SERPINB12: variants seen among roughly 807,000 people sequenced by gnomAD.
SERPINB12 encodes serpin family B member 12, also known as serpin B12.
Under a neutral mutation model 41.1 loss-of-function variants are expected in SERPINB12, and 57 were observed. The ratio of observed to expected loss-of-function variants is 1.39; its 90% CI spans 1.12 to 1.73. The LOEUF (loss-of-function observed/expected upper bound fraction) is 1.73, where lower values mean the gene tolerates loss of function less well. SERPINB12 is among the 40% of genes most tolerant of loss of function. SERPINB12 has a pLI of 0.00. For missense variants in SERPINB12, 536 were observed against 501.9 expected, an observed-to-expected ratio of 1.07 and a Z score of -0.65; for synonymous variants, 180 against 181.3, an observed-to-expected ratio of 0.99 and a Z score of 0.06.
chr18:63,565,183 T>A (rs1911051946), intron 6 of SERPINB12, among the ~76,000 whole-genome samples: 1 of 152,030 alleles, frequency 6.6e-6, no homozygotes. Context: ...CAAGACCCTG[T>A]CTCAGAAACA....
At chr18:63,556,030 G>A (rs1353776022) in intron 1 of SERPINB12, 112 bp from the exon 2 acceptor site, 4 of 770,368 alleles carry the variant, frequency 5.2e-6, no homozygotes, top group South Asian at 1.8e-5. Flanking sequence ...GTTCTTAATA[G>A]CATACTGAAT....
chr18:63,544,713 G>A lies in SERPINB12; in HGVS notation c.-19+2221G>A, dbSNP rs933574412. On this transcript the variant is annotated intron_variant, in intron 1 of 7. Coordinates refer to ENST00000382768, the MANE Select transcript of SERPINB12 (RefSeq NM_001307928.2). ...TTGGATATCTTAAGAGTGATTGCAA[G>A]TTTTGAAATGAGTTTGTGTTTTAGT... Among the ~76,000 whole-genome samples, 7 of 152,224 alleles carry A rather than the reference G, an allele frequency of 4.6e-5. No individual in the cohort carries two copies. The South Asian group carries it at 8.3e-4, about 18-fold the overall frequency.
chr18:63,563,314 G>A (rs1343494284), intron 5 of SERPINB12, among the ~76,000 whole-genome samples: 1 of 152,170 alleles, frequency 6.6e-6, no homozygotes, highest in African/African-American at 2.4e-5. Flanking sequence ...GTAGTTCTTT[G>A]TTCTCAAGGG....
chr18:63,556,944 A>G (rs1475996590), intron 2 of SERPINB12, among the ~76,000 whole-genome samples: 2 of 152,208 alleles, frequency 1.3e-5, no homozygotes, highest in African/African-American at 4.8e-5. Flanking sequence ...CTGGCAATCT[A>G]TCCTTTGCAC....
chr18:63,543,217 C>T (rs571304259), intron 1 of SERPINB12, among the ~76,000 whole-genome samples: 25 of 152,236 alleles, frequency 1.6e-4, no homozygotes, highest in African/African-American at 6.0e-4. Context: ...TTTATTGTAT[C>T]TAAATGCAGG....
intron 2 of SERPINB12, among the ~76,000 whole-genome samples, chr18:63,557,054 C>T (rs1910703346): frequency 6.6e-6 from 1 of 152,162 alleles, no homozygotes; most frequent in African/African-American, 2.4e-5. Context: ...AGTTCAAGTC[C>T]TTACAATGGC....
At chr18:63,554,831 C>G (rs1204916579) in intron 1 of SERPINB12, among the ~76,000 whole-genome samples, 1 of 152,148 alleles carries the variant, frequency 6.6e-6, no homozygotes, top group Non-Finnish European at 1.5e-5. Flanking sequence ...ATAATCTCCA[C>G]GTGTTGAGGG....
chr18:63,541,011 G>A (rs926541852), upstream of SERPINB12, among the ~76,000 whole-genome samples: 25 of 152,058 alleles, frequency 1.6e-4, no homozygotes, highest in African/African-American at 5.8e-4. Flanking sequence ...TACGTTTTCA[G>A]TATTTTTAAT....
At chr18:63,549,650 A>G (rs1396610508) in intron 1 of SERPINB12, among the ~76,000 whole-genome samples, 5 of 152,164 alleles carry the variant, frequency 3.3e-5, no homozygotes, top group Non-Finnish European at 7.3e-5. Context: ...ACCCCCATAA[A>G]GATTGTAGGA....
the SERPINB12 span, among the ~76,000 whole-genome samples, chr18:63,522,818 G>C: frequency 6.6e-6 from 1 of 151,902 alleles, no homozygotes; most frequent in Non-Finnish European, 1.5e-5. Context: ...TAAAAATCTG[G>C]AAATTGATAA....
intron 7 of SERPINB12, 55 bp downstream of exon 7, chr18:63,565,667 A>G (rs1568133105): frequency 1.3e-6 from 2 of 1,490,874 alleles, no homozygotes; most frequent in Non-Finnish European, 1.8e-6. Context: ...TCTTTAGAGA[A>G]CAACACTGTC....
rs1248894912 is a variant in SERPINB12 at position 63,566,781 on chromosome 18, C to T, written c.1048C>T (p.Leu350Phe). The T allele has an allele frequency of 1.2e-6, 2 of 1,613,960 alleles. No individual in the cohort carries two copies. The highest frequency in any genetic ancestry group is 1.7e-6 in the Non-Finnish European group (2 of 1,180,000). ...TDIFDETRAD[L>F]TGISPSPNLY... ...TATCTTTGATGAAACGAGGGCTGATCTTACTGGAATCTCTCCAAGTCCCAA... is the reference window on the plus strand; with the variant it reads ...TATCTTTGATGAAACGAGGGCTGATTTTACTGGAATCTCTCCAAGTCCCAA... Residue 350 changes from leucine (L) to phenylalanine (F), a missense_variant, in exon 8 of 8, where the codon CTT becomes TTT. Coordinates refer to ENST00000382768, the MANE Select transcript of SERPINB12 (RefSeq NM_001307928.2).
At chr18:63,529,131 A>G in the SERPINB12 span, among the ~76,000 whole-genome samples, 1 of 152,200 alleles carries the variant, frequency 6.6e-6, no homozygotes, top group Non-Finnish European at 1.5e-5. Flanking sequence ...AAATAAAAAT[A>G]TTTATTCAGG....
At chr18:63,529,314 G>T in the SERPINB12 span, among the ~76,000 whole-genome samples, 1 of 152,154 alleles carries the variant, frequency 6.6e-6, no homozygotes, top group Non-Finnish European at 1.5e-5. Context: ...TCCAAGGTTG[G>T]TCAGGCGGTT....
intron 1 of SERPINB12, among the ~76,000 whole-genome samples, chr18:63,545,199 G>A (rs1910357975): frequency 2.0e-5 from 3 of 151,640 alleles, no homozygotes; most frequent in Admixed American, 2.0e-4. Context: ...TTTACGGCCT[G>A]TTGACATAGA....
chr18:63,542,387 T>A lies in SERPINB12; in HGVS notation c.-124T>A, dbSNP rs1312822298. On this transcript the variant is annotated 5_prime_UTR_variant, in exon 1 of 8. Coordinates refer to ENST00000382768, the MANE Select transcript of SERPINB12 (RefSeq NM_001307928.2). ...GCTCAATGCCTCTCCTTATAAGTTT[T>A]CACAGGCTGTAGGACTTGCCTGGTT... Among the ~76,000 whole-genome samples, 2 of 152,228 alleles carry A rather than the reference T, an allele frequency of 1.3e-5. No individual in the cohort carries two copies. Among genetic ancestry groups the A allele is most frequent in the Non-Finnish European group, 2.9e-5 (2 of 68,040 alleles).
At chr18:63,539,951 G>T (rs1382005384), upstream of SERPINB12, among the ~76,000 whole-genome samples, 3 of 151,562 alleles carry the variant, frequency 2.0e-5, no homozygotes, top group Non-Finnish European at 4.4e-5. Flanking sequence ...TGGACATAGA[G>T]AATTGCAATT....
intron 1 of SERPINB12, among the ~76,000 whole-genome samples, chr18:63,547,960 T>C (rs900339762): frequency 6.6e-6 from 1 of 152,200 alleles, no homozygotes; most frequent in African/African-American, 2.4e-5. Flanking sequence ...GGTTCTCATG[T>C]GCTACCATTG....
the SERPINB12 span, among the ~76,000 whole-genome samples, chr18:63,529,770 A>T: frequency 6.7e-6 from 1 of 150,316 alleles, no homozygotes; most frequent in African/African-American, 2.5e-5. Flanking sequence ...TATGCCAATT[A>T]AAAAATAAAA....
Sources: allele counts gnomAD v4.1 joint callset (sites outside exome capture counted in the v4.1 genomes callset), GRCh38; gene constraint gnomAD v4.1.1; transcripts MANE v1.5; gene names NCBI Gene and HGNC (gene_info 2026-07-23, HGNC 2026-07-21).